PKIA: variants seen among roughly 807,000 people sequenced by gnomAD.
PKIA encodes PKI-alpha.
In PKIA, 4 loss-of-function variants were observed where a neutral mutation model predicts 7.6. That is an observed-to-expected ratio of 0.52 (90% CI 0.26 to 1.20). PKIA has a LOEUF of 1.20. Among genes scored for constraint, PKIA ranks in the 50% most tolerant of loss-of-function variants. The probability of loss-of-function intolerance (pLI) is 0.13; values close to 1 mark genes in which losing one functional copy is unlikely to be tolerated. For synonymous variants in PKIA, 21 were observed against 30.7 expected (o/e 0.68, Z 1.04); for missense variants, 73 against 86.2 (o/e 0.85, Z 0.61).
chr8:78,547,650 CTT>C (rs1433865653), intron 1 of PKIA, among the ~76,000 whole-genome samples: 1 of 152,108 alleles, frequency 6.6e-6, no homozygotes, highest in East Asian at 1.9e-4. Flanking sequence ...TAGTTAATGA[CTT>C]TGAAATTTAA....
intron 2 of PKIA, among the ~76,000 whole-genome samples, chr8:78,589,363 G>A (rs1010551522): frequency 2.6e-5 from 4 of 152,136 alleles, no homozygotes; most frequent in Admixed American, 2.0e-4. Context: ...GTAGCTTTGA[G>A]GTCACTCGTT....
In PKIA at chr8:78,604,962, A is replaced by C. The variant is rs1317831335; in HGVS notation, c.*3141A>C. 1 of 152,040 alleles carries C rather than the reference A, an allele frequency of 6.6e-6. No homozygotes were observed. The highest frequency in any genetic ancestry group is 1.5e-5 in the Non-Finnish European group (1 of 67,980). 9.4% of individuals were successfully genotyped at this position (152,040 alleles called of 1,614,324 possible). A position where few individuals can be genotyped will look rare whatever the true frequency, so the allele number is the denominator to read the frequency against. ...ATGCTGTGGTAATGCACCATTTTAG[A>C]AGATGAATGATACTGCTATTTCTCT... On this transcript the variant is annotated 3_prime_UTR_variant, in exon 4 of 4. Transcript: ENST00000396418.
intron 1 of PKIA, among the ~76,000 whole-genome samples, chr8:78,553,154 T>A (rs1333803021): frequency 6.6e-6 from 1 of 151,414 alleles, no homozygotes; most frequent in East Asian, 1.9e-4. Flanking sequence ...AGTTTGACAT[T>A]GGCTGACTTT....
At chr8:78,585,000 T>C (rs954197950) in intron 2 of PKIA, among the ~76,000 whole-genome samples, 1 of 152,018 alleles carries the variant, frequency 6.6e-6, no homozygotes, top group Non-Finnish European at 1.5e-5. Context: ...GTAGAGCTGC[T>C]TGATATTGAT....
At chr8:78,542,097 A>C (rs769174423) in intron 1 of PKIA, among the ~76,000 whole-genome samples, 1 of 152,108 alleles carries the variant, frequency 6.6e-6, no homozygotes, top group Non-Finnish European at 1.5e-5. Context: ...TGAAAGATAG[A>C]AGATGCAGTG....
chr8:78,585,266 T>C (rs1807922546), intron 2 of PKIA, among the ~76,000 whole-genome samples: 1 of 152,060 alleles, frequency 6.6e-6, no homozygotes, highest in South Asian at 2.1e-4. Context: ...GCCAAATTGA[T>C]ACTTTCTTAT....
At chr8:78,561,926 T>C (rs1287212119) in intron 1 of PKIA, among the ~76,000 whole-genome samples, 2 of 152,150 alleles carry the variant, frequency 1.3e-5, no homozygotes, top group Non-Finnish European at 2.9e-5. Context: ...AGCTCCCTTC[T>C]AACATATAAT....
rs566765475 is a variant in PKIA, at chr8:78,594,752, T to G, written c.-27-3606T>G. 3.9e-5 allele frequency among the ~76,000 whole-genome samples: 6 copies of G among 152,134 alleles called. No homozygotes were observed. The South Asian group carries it at 1.2e-3, about 32-fold the overall frequency. On this transcript the variant is annotated intron_variant, in intron 2 of 3. Transcript: ENST00000396418. ...TAATGGCATTAGAGGTGGAAGGAAA[T>G]AAAATCAATAGCATGTCTTAAAAAG...
intron 2 of PKIA, among the ~76,000 whole-genome samples, chr8:78,591,001 A>G (rs1808079043): frequency 6.6e-6 from 1 of 152,216 alleles, no homozygotes; most frequent in Non-Finnish European, 1.5e-5. Flanking sequence ...TAATAGTGGA[A>G]AAAGGGGAAT....
At chr8:78,577,795 C>T (rs1807711116) in intron 2 of PKIA, among the ~76,000 whole-genome samples, 1 of 151,942 alleles carries the variant, frequency 6.6e-6, no homozygotes, top group Non-Finnish European at 1.5e-5. Flanking sequence ...TCTTCATATT[C>T]AAAAATTCAT....
intron 1 of PKIA, among the ~76,000 whole-genome samples, chr8:78,546,367 T>G (rs955286166): frequency 5.3e-5 from 8 of 152,212 alleles, no homozygotes; most frequent in African/African-American, 1.9e-4. Flanking sequence ...TTTTAAATTA[T>G]AATTACAAAA....
At chr8:78,545,558 T>C (rs1465661551) in intron 1 of PKIA, among the ~76,000 whole-genome samples, 1 of 152,212 alleles carries the variant, frequency 6.6e-6, no homozygotes, top group African/African-American at 2.4e-5. Flanking sequence ...GCATATTTTG[T>C]ATACTAATTA....
intron 1 of PKIA, among the ~76,000 whole-genome samples, chr8:78,548,477 A>T (rs924059916): frequency 2.6e-5 from 4 of 152,090 alleles, no homozygotes; most frequent in Admixed American, 2.6e-4. Context: ...TCTTAAACTG[A>T]TTTGTTTTGG....
At chr8:78,573,269 T>C (rs1807597016) in intron 2 of PKIA, among the ~76,000 whole-genome samples, 2 of 151,984 alleles carry the variant, frequency 1.3e-5, no homozygotes, top group African/African-American at 2.4e-5. Flanking sequence ...TTTTCGTGGG[T>C]TGTCTCCGTG....
At chr8:78,591,783 A>C (rs1383121244) in intron 2 of PKIA, among the ~76,000 whole-genome samples, 1 of 152,158 alleles carries the variant, frequency 6.6e-6, no homozygotes, top group Non-Finnish European at 1.5e-5. Flanking sequence ...TCATGTCTAG[A>C]AAATTCCAGT....
intron 1 of PKIA, among the ~76,000 whole-genome samples, chr8:78,521,111 C>T (rs1167719775): frequency 6.6e-6 from 1 of 152,010 alleles, no homozygotes; most frequent in Non-Finnish European, 1.5e-5. Context: ...CAATCAAAGC[C>T]ATTTTTACAA....
rs185406436 is a variant in PKIA, at chr8:78,581,426, A to C, written c.-28+8487A>C. 1.5e-3 allele frequency among the ~76,000 whole-genome samples: 227 copies of C among 152,256 alleles called. 1 individual carries two copies. The highest frequency in any genetic ancestry group is 2.6e-3 in the Non-Finnish European group (175 of 68,008). On this transcript the variant is annotated intron_variant, in intron 2 of 3. Coordinates refer to ENST00000396418, the MANE Select transcript of PKIA (RefSeq NM_006823.4). ...CTTGCCACAAAATGTATTAATGTTA[A>C]AAAAGAAATAAATAACTTTACAGTG...
chr8:78,561,208 A>G (rs1363849647), intron 1 of PKIA, among the ~76,000 whole-genome samples: 2 of 152,142 alleles, frequency 1.3e-5, no homozygotes, highest in African/African-American at 4.8e-5. Context: ...TTTTCCTTTC[A>G]GGCTAAAGAT....
intron 1 of PKIA, among the ~76,000 whole-genome samples, chr8:78,540,520 T>C (rs1044126112): frequency 2.6e-5 from 4 of 151,984 alleles, no homozygotes; most frequent in Non-Finnish European, 5.9e-5. Flanking sequence ...TGGGAATAGA[T>C]TGTGCTCTTC....
Sources: allele counts gnomAD v4.1 joint callset (sites outside exome capture counted in the v4.1 genomes callset), GRCh38; gene constraint gnomAD v4.1.1; transcripts MANE v1.5; gene names NCBI Gene and HGNC (gene_info 2026-07-23, HGNC 2026-07-21).